PDHX: variants seen among roughly 807,000 people sequenced by gnomAD.
The protein encoded by PDHX is pyruvate dehydrogenase protein X component, mitochondrial.
PDHX carries 33 observed loss-of-function variants against 55.3 expected under a neutral mutation model. That is an observed-to-expected ratio of 0.60 (90% CI 0.45 to 0.80). The LOEUF (loss-of-function observed/expected upper bound fraction) is 0.80. PDHX is among the 30% of genes least tolerant of loss of function. The pLI, the probability that PDHX is intolerant of heterozygous loss-of-function variation, is 0.00. For synonymous variants in PDHX, 226 were observed against 219.4 expected (o/e 1.03, Z -0.27); for missense variants, 622 against 619.9 (o/e 1.00, Z -0.04).
At chr11:34,953,225 G>A (rs1008369552) in intron 3 of PDHX, among the ~76,000 whole-genome samples, 3 of 152,132 alleles carry the variant, frequency 2.0e-5, no homozygotes, top group East Asian at 1.9e-4. Context: ...TTCCATGCTC[G>A]TGGGTAGGAA....
intron 4 of PDHX, 81 bp downstream of exon 4, chr11:34,957,664 T>A: frequency 9.1e-7 from 1 of 1,104,740 alleles, no homozygotes; most frequent in Non-Finnish European, 1.4e-6. Flanking sequence ...ATTATCATAT[T>A]CGCACATCGT....
intron 1 of PDHX, among the ~76,000 whole-genome samples, chr11:34,924,225 C>G (rs1853963738): frequency 6.6e-6 from 1 of 151,942 alleles, no homozygotes; most frequent in African/African-American, 2.4e-5. Context: ...TTGCCAAGTC[C>G]CATGTGTTAC....
intron 3 of PDHX, among the ~76,000 whole-genome samples, chr11:34,949,170 G>C (rs1166763441): frequency 1.3e-5 from 2 of 152,162 alleles, no homozygotes; most frequent in Non-Finnish European, 2.9e-5. Flanking sequence ...GATAATATTT[G>C]GGAGTCTCTT....
intron 1 of PDHX, among the ~76,000 whole-genome samples, chr11:34,927,945 G>A (rs2133943247): frequency 6.6e-6 from 1 of 152,094 alleles, no homozygotes; most frequent in South Asian, 2.1e-4. Flanking sequence ...TTTCATGAAG[G>A]GTGACTAAGG....
chr11:34,916,284 T>G (rs928296244), upstream of PDHX: 19 of 1,612,362 alleles, frequency 1.2e-5, no homozygotes, highest in Non-Finnish European at 1.6e-5. Flanking sequence ...CAGCCAGACA[T>G]GGCCCAGACC....
intron 7 of PDHX, among the ~76,000 whole-genome samples, chr11:34,975,026 T>C (rs1855335943): frequency 6.6e-6 from 1 of 152,196 alleles, no homozygotes. Flanking sequence ...TTTTTAAGAA[T>C]TATTTTTGCT....
chr11:34,933,887 A>AGGATTC (rs1854237270), intron 2 of PDHX, among the ~76,000 whole-genome samples: 2 of 152,148 alleles, frequency 1.3e-5, no homozygotes, highest in South Asian at 4.1e-4. Context: ...TCAATACATT[A>AGGATTC]AATATATTTG....
intron 2 of PDHX, among the ~76,000 whole-genome samples, chr11:34,932,602 G>T (rs1854204952): frequency 6.6e-6 from 1 of 152,180 alleles, no homozygotes. Context: ...TGCTGTGGAG[G>T]GAAGGGAAGA....
At chr11:34,938,853 A>G (rs1278034565) in intron 2 of PDHX, among the ~76,000 whole-genome samples, 1 of 152,218 alleles carries the variant, frequency 6.6e-6, no homozygotes, top group African/African-American at 2.4e-5. Context: ...GCCAGGATGT[A>G]TTTTAAGTCC....
intron 3 of PDHX, among the ~76,000 whole-genome samples, chr11:34,956,376 G>C (rs1020008395): frequency 1.3e-5 from 2 of 152,076 alleles, no homozygotes; most frequent in African/African-American, 4.8e-5. Flanking sequence ...ACTCATTCTA[G>C]AAGTTATGCT....
chr11:34,954,033 A>G (rs1209717497), intron 3 of PDHX, among the ~76,000 whole-genome samples: 1 of 152,236 alleles, frequency 6.6e-6, no homozygotes, highest in Non-Finnish European at 1.5e-5. Flanking sequence ...CATTGTTCAT[A>G]TAAGATAAAC....
chr11:34,945,648 A>G (rs1019770575), intron 2 of PDHX, among the ~76,000 whole-genome samples: 2 of 152,066 alleles, frequency 1.3e-5, no homozygotes, highest in East Asian at 3.9e-4. Context: ...TTTTTAAAAG[A>G]TTATGTTTTT....
At chr11:34,982,478 C>G (rs963127319) in intron 8 of PDHX, among the ~76,000 whole-genome samples, 1 of 151,906 alleles carries the variant, frequency 6.6e-6, no homozygotes, top group African/African-American at 2.4e-5. Context: ...TCCATGAATC[C>G]GGGAGCTGGT....
In PDHX at chr11:34,995,220, G is replaced by A; in HGVS notation, c.*48G>A. The A allele has an allele frequency of 6.3e-7, 1 of 1,596,490 alleles. No homozygotes were observed. The highest frequency in any genetic ancestry group is 8.6e-7 in the Non-Finnish European group (1 of 1,165,422). On this transcript the variant is annotated 3_prime_UTR_variant, in exon 11 of 11. Transcript: ENST00000227868. ...GTTCAGCTTAGTTGATTCAGTAGTTGTTACCAAGAAACATATGTTATAGGA... is the reference window on the plus strand; with the variant it reads ...GTTCAGCTTAGTTGATTCAGTAGTTATTACCAAGAAACATATGTTATAGGA...
At chr11:34,962,185 G>C (rs1565161749) in intron 5 of PDHX, among the ~76,000 whole-genome samples, 1 of 152,198 alleles carries the variant, frequency 6.6e-6, no homozygotes, top group Non-Finnish European at 1.5e-5. Flanking sequence ...CTGCAAATTT[G>C]TGTAAGATAA....
intron 8 of PDHX, among the ~76,000 whole-genome samples, chr11:34,978,932 G>A (rs1855443250): frequency 6.6e-6 from 1 of 152,158 alleles, no homozygotes; most frequent in Non-Finnish European, 1.5e-5. Flanking sequence ...GAAACGAAAA[G>A]GAGAGGCTGC....
rs775323800 is a variant in PDHX, at chr11:34,995,164, C to T, written c.1498C>T (p.Leu500Phe). The T allele has an allele frequency of 1.9e-6, 3 of 1,613,850 alleles. No individual in the cohort carries two copies. The highest frequency in any genetic ancestry group is 2.5e-6 in the Non-Finnish European group (3 of 1,179,818). Residue 500 changes from leucine (L) to phenylalanine (F), a missense_variant, in exon 11 of 11, where the codon CTT becomes TTT. By Grantham distance (22) the Leu-to-Phe change is conservative. Transcript: ENST00000227868. The part of the protein sequence containing the change: ...FKANLENPIR[L>F]A ...AGCAAACCTAGAGAATCCTATCCGA[C>T]TTGCCTAGTCCTCAAAGATAAGAAG...
chr11:34,968,171 G>A (rs1855174962), intron 6 of PDHX, among the ~76,000 whole-genome samples: 1 of 151,666 alleles, frequency 6.6e-6, no homozygotes. Flanking sequence ...CTCAGGCGGT[G>A]GAGATTGGGG....
chr11:34,938,074 A>G (rs1196426091), intron 2 of PDHX, among the ~76,000 whole-genome samples: 1 of 152,204 alleles, frequency 6.6e-6, no homozygotes, highest in African/African-American at 2.4e-5. Context: ...ATAGTCTCTC[A>G]AATTAAAACC....
Sources: allele counts gnomAD v4.1 joint callset (sites outside exome capture counted in the v4.1 genomes callset), GRCh38; gene constraint gnomAD v4.1.1; transcripts MANE v1.5; gene names NCBI Gene and HGNC (gene_info 2026-07-23, HGNC 2026-07-21).